The following PCNX2 variants were observed in gnomAD, a reference collection of about 807,000 sequenced individuals.
The protein encoded by PCNX2 is pecanex-like protein 2.
A neutral mutation model predicts 223.8 loss-of-function variants in PCNX2; 168 were observed. That is an observed-to-expected ratio of 0.75 (90% CI 0.66 to 0.85). The LOEUF is 0.85. PCNX2 is among the 40% of genes least tolerant of loss of function. PCNX2 has a pLI of 0.00. For missense variants in PCNX2, 2,507 were observed against 2,675.5 expected (o/e 0.94, Z 1.39); for synonymous variants, 1,006 against 1,052.6 (o/e 0.96, Z 0.86).
intron 19 of PCNX2, among the ~76,000 whole-genome samples, chr1:233,146,870 T>C (rs543691421): frequency 6.6e-5 from 10 of 152,300 alleles, no homozygotes; most frequent in South Asian, 2.1e-4. Flanking sequence ...TGGAGATAGA[T>C]TGATTTGAGT....
intron 18 of PCNX2, among the ~76,000 whole-genome samples, 169 bp from the exon 19 acceptor site, chr1:233,160,602 G>C (rs1297666882): frequency 2.0e-5 from 3 of 152,136 alleles, no homozygotes; most frequent in Non-Finnish European, 2.9e-5. Context: ...CCATGAAATT[G>C]GTTCATGTGT....
intron 1 of PCNX2, among the ~76,000 whole-genome samples, chr1:233,286,748 A>G (rs1661471591): frequency 6.6e-6 from 1 of 152,124 alleles, no homozygotes; most frequent in Admixed American, 6.5e-5. Context: ...AACACGTGCC[A>G]TGCTCTGAAA....
rs1407145336 is a variant in PCNX2, at chr1:233,095,805, ATC to A, written c.3894_3895del (p.Gln1298HisfsTer67). On this transcript the variant is annotated frameshift_variant, in exon 22 of 34. Transcript: ENST00000258229. LOFTEE classifies it high-confidence loss of function. ...CACGTGAAACGAAGAACCCCAAGCC[ATC>A]TGCCAAGGAGCCACATATGTCAGGA... The A allele has an allele frequency of 2.5e-6, 4 of 1,612,984 alleles. No homozygotes were observed. The highest frequency in any genetic ancestry group is 3.4e-6 in the Non-Finnish European group (4 of 1,179,482).
At chr1:233,138,715 A>G (rs1165779298) in intron 20 of PCNX2, among the ~76,000 whole-genome samples, 1 of 152,230 alleles carries the variant, frequency 6.6e-6, no homozygotes, top group Admixed American at 6.5e-5. Context: ...AATTTTAAGT[A>G]TCAAAGAACA....
At chr1:233,017,254 T>C (rs2102820394) in intron 26 of PCNX2, 100 bp from the exon 27 acceptor site, 2 of 780,746 alleles carry the variant, frequency 2.6e-6, no homozygotes, top group Non-Finnish European at 1.9e-6. Flanking sequence ...ACATGTGGTA[T>C]CATTTGTATG....
chr1:233,043,111 A>G (rs1308554694), intron 25 of PCNX2, among the ~76,000 whole-genome samples: 1 of 152,142 alleles, frequency 6.6e-6, no homozygotes, highest in Non-Finnish European at 1.5e-5. Context: ...ACCTCTTCAG[A>G]CAGTATTTTC....
chr1:233,315,289 T>C, the PCNX2 span, among the ~76,000 whole-genome samples: 1 of 152,148 alleles, frequency 6.6e-6, no homozygotes, highest in Non-Finnish European at 1.5e-5. Context: ...GATTATTTCA[T>C]GAAAGAAACC....
At chr1:233,098,515 CTTT>C (rs989402816) in intron 21 of PCNX2, among the ~76,000 whole-genome samples, 1 of 149,326 alleles carries the variant, frequency 6.7e-6, no homozygotes, top group South Asian at 2.1e-4. Context: ...TCTATGCCTT[CTTT>C]TTTTTTTCAT....
At chr1:233,262,794 T>C (rs931587613) in intron 2 of PCNX2, among the ~76,000 whole-genome samples, 164 bp downstream of exon 2, 6 of 152,238 alleles carry the variant, frequency 3.9e-5, no homozygotes, top group Non-Finnish European at 8.8e-5. Flanking sequence ...ACCATCTTGA[T>C]TATGAATATC....
chr1:233,028,839 CTTT>C (rs552422159), intron 25 of PCNX2, among the ~76,000 whole-genome samples: 3 of 129,764 alleles, frequency 2.3e-5, no homozygotes, highest in Non-Finnish European at 4.9e-5. Flanking sequence ...CTTTCCAGTC[CTTT>C]TTTTTTTTTT....
At position 233,106,292 on chromosome 1, in the gene PCNX2, C is replaced by A. The variant is rs140582753; in HGVS notation, c.3838-10429G>T. ...GTTGTATTCTATTTAGCTCTCTCTT[C>A]CTTGTGGAGAAGAAGCAGCTTCCTG... On this transcript the variant is annotated intron_variant, in intron 21 of 33. Coordinates refer to ENST00000258229, the MANE Select transcript of PCNX2 (RefSeq NM_014801.4). Among the ~76,000 whole-genome samples the A allele has an allele frequency of 5.6e-4, 85 of 151,706 alleles. No homozygotes were observed. In the East Asian group the frequency reaches 0.014, roughly 26 times the overall value.
chr1:233,081,748 T>C (rs1330463352), intron 23 of PCNX2, among the ~76,000 whole-genome samples: 2 of 152,216 alleles, frequency 1.3e-5, no homozygotes, highest in Non-Finnish European at 2.9e-5. Context: ...GCTGCATTGC[T>C]TCTGACCTGC....
In PCNX2 at chr1:233,090,267, G is replaced by A. The variant is rs1673805243; in HGVS notation, c.3947-77C>T. 6.0e-6 allele frequency: 9 copies of A among 1,502,772 alleles called. No homozygotes were observed. The South Asian group carries it at 1.1e-4, about 19-fold the overall frequency. 93.1% of individuals were successfully genotyped at this position (1,502,772 alleles called of 1,614,324 possible). A position where few individuals can be genotyped will look rare whatever the true frequency, so the allele number is the denominator to read the frequency against. On this transcript the variant is annotated intron_variant, in intron 22 of 33. Transcript: ENST00000258229. The stretch of plus-strand genomic sequence containing the variant: ...AAAACATTATTTCAAATTTTGATGA[G>A]TTTTCACTAAAGTCATTTTTTCCAC...
chr1:233,093,730 C>T (rs747509840), intron 22 of PCNX2, among the ~76,000 whole-genome samples: 21 of 152,072 alleles, frequency 1.4e-4, no homozygotes, highest in Non-Finnish European at 1.2e-4. Flanking sequence ...TTTGAAGGCT[C>T]TGTATCTTAG....
intron 17 of PCNX2, among the ~76,000 whole-genome samples, chr1:233,169,644 C>CAAAAAAAAAAAAAAAAAAAAAA (rs200439765): frequency 2.9e-5 from 2 of 68,882 alleles, no homozygotes; most frequent in African/African-American, 1.1e-4. Flanking sequence ...AACTCCGTCT[C>CAAAAAAAAAAAAAAAAAAAAAA]AAAAAAAAAA....
intron 23 of PCNX2, among the ~76,000 whole-genome samples, chr1:233,067,404 A>AAAAAAAAAAAAAAATG (rs1672661617): frequency 8.5e-6 from 1 of 117,318 alleles, no homozygotes; most frequent in Non-Finnish European, 1.7e-5. Flanking sequence ...AAAAAAAAAA[A>AAAAAAAAAAAAAAATG]GCAAGACTTG....
At chr1:233,309,626 C>T in the PCNX2 span, among the ~76,000 whole-genome samples, 2 of 151,566 alleles carry the variant, frequency 1.3e-5, no homozygotes, top group Non-Finnish European at 2.9e-5. Flanking sequence ...GCCTGTAATC[C>T]TGGCACTTTG....
chr1:233,001,365 G>A lies in PCNX2; in HGVS notation c.5097+172C>T, dbSNP rs147260522. ...ATGGTGGCACATGCCTGTAATCCCA[G>A]CTACTTGGGAGGCTGTGGCAGGAGA... On this transcript the variant is annotated intron_variant, in intron 29 of 33. Coordinates refer to ENST00000258229, the MANE Select transcript of PCNX2 (RefSeq NM_014801.4). This position sits in a 1 kb window ranked among gnomAD's most constrained non-coding sequence, Gnocchi z 4.2. Among the ~76,000 whole-genome samples the A allele has an allele frequency of 9.8e-3, 1,498 of 152,242 alleles. 30 individuals are homozygous for A. Among genetic ancestry groups the A allele is most frequent in the African/African-American group, 0.032 (1,348 of 41,532 alleles).
At chr1:233,178,029 T>A in intron 16 of PCNX2, 131 bp from the exon 17 acceptor site, 1 of 663,682 alleles carries the variant, frequency 1.5e-6, no homozygotes, top group South Asian at 2.0e-5. Flanking sequence ...AAATTTATAA[T>A]AAAAAGAGGT....
Sources: gnomAD v4.1 joint callset for allele counts (sites outside exome capture counted in the v4.1 genomes callset) on GRCh38, gnomAD v4.1.1 for gene constraint, Gnocchi (gnomAD v3.1) non-coding constraint, MANE v1.5 for transcripts, NCBI Gene and HGNC (gene_info 2026-07-23, HGNC 2026-07-21) for gene names.